ITPKB: variants seen among roughly 807,000 people sequenced by gnomAD.
ITPKB encodes inositol-trisphosphate 3-kinase B.
In ITPKB, 13 loss-of-function variants were observed where a neutral mutation model predicts 69.4. The ratio of observed to expected loss-of-function variants is 0.19; its 90% confidence interval spans 0.12 to 0.30. ITPKB has a LOEUF of 0.30. ITPKB is among the 10% of genes least tolerant of loss of function. The probability of loss-of-function intolerance (pLI) is 1.00; values close to 1 mark genes in which losing one functional copy is unlikely to be tolerated. For missense variants in ITPKB, 1,240 were observed against 1,250.5 expected (o/e 0.99, Z 0.13); for synonymous variants, 584 against 513.7 (o/e 1.14, Z -1.85).
rs1171087721 is a variant in ITPKB, at chr1:226,634,469, A to G, written c.*202T>C. 1.7e-6 allele frequency: 1 copy of G among 579,516 alleles called. No individual in the cohort carries two copies. Among genetic ancestry groups the G allele is most frequent in the Non-Finnish European group, 3.1e-6 (1 of 323,684 alleles). 35.9% of individuals were successfully genotyped at this position (579,516 alleles called of 1,614,324 possible). A position where few individuals can be genotyped will look rare whatever the true frequency, so the allele number is the denominator to read the frequency against. Reference sequence around the variant, plus strand: ...TCTCTTCTAGTAGGTGACCCTCTCTACAAAAAGCAGTGCAAACACCACCTC... The same window carrying G: ...TCTCTTCTAGTAGGTGACCCTCTCTGCAAAAAGCAGTGCAAACACCACCTC... On this transcript the variant is annotated 3_prime_UTR_variant, in exon 8 of 8. Transcript: ENST00000429204. The surrounding 1 kb of genome is among the most constrained non-coding windows in gnomAD (Gnocchi z 6.3).
Position 226,738,449 on chromosome 1 carries a change from T to TG in ITPKB, c.-206+591dup, listed in dbSNP as rs567753230. 1.3e-3 allele frequency among the ~76,000 whole-genome samples: 198 copies of TG among 152,228 alleles called. 2 individuals carry two copies. Among genetic ancestry groups the TG allele is most frequent in the African/African-American group, 4.5e-3 (186 of 41,530 alleles). The stretch of plus-strand genomic sequence containing the variant: ...GCTGCCCCCCTGCCGTCGTCCCCTA[T>TG]GGGGGGGTGTCTGTGAGTGTGTGTG... On this transcript the variant is annotated intron_variant, in intron 1 of 7. Transcript: ENST00000429204. The surrounding 1 kb of genome is among the most constrained non-coding windows in gnomAD (Gnocchi z 4.2).
intron 2 of ITPKB, among the ~76,000 whole-genome samples, chr1:226,693,128 A>G (rs965488831): frequency 6.6e-6 from 1 of 152,264 alleles, no homozygotes; most frequent in Non-Finnish European, 1.5e-5. Context: ...GTAGCACATT[A>G]CAAGAGCCAC....
chr1:226,727,085 T>C (rs886705712), intron 2 of ITPKB, among the ~76,000 whole-genome samples: 1 of 152,248 alleles, frequency 6.6e-6, no homozygotes, highest in African/African-American at 2.4e-5. Flanking sequence ...AGTTCCTCTC[T>C]ATAACAGTCG....
At chr1:226,639,706 G>A (rs752824758) in intron 5 of ITPKB, 48 bp from the exon 6 acceptor site, 24 of 1,262,160 alleles carry the variant, frequency 1.9e-5, no homozygotes, top group South Asian at 4.8e-5. Context: ...AGGGACCCTC[G>A]GGCAGAAACT....
intron 2 of ITPKB, among the ~76,000 whole-genome samples, chr1:226,713,080 G>A (rs751882412): frequency 6.6e-6 from 1 of 151,804 alleles, no homozygotes; most frequent in Non-Finnish European, 1.5e-5. Context: ...ACATACACAC[G>A]TGCATATGCG....
intron 2 of ITPKB, among the ~76,000 whole-genome samples, chr1:226,661,722 C>T (rs1571846400): frequency 6.6e-6 from 1 of 152,290 alleles, no homozygotes; most frequent in East Asian, 1.9e-4. Context: ...CAAGAGCACT[C>T]AACAGAGGCA....
intron 2 of ITPKB, among the ~76,000 whole-genome samples, chr1:226,695,295 C>T (rs1051246262): frequency 2.0e-5 from 3 of 152,080 alleles, no homozygotes; most frequent in African/African-American, 7.2e-5. Context: ...GGATAAATTA[C>T]AAAAATCAAG....
At chr1:226,655,007 C>T (rs1181135624) in intron 2 of ITPKB, among the ~76,000 whole-genome samples, 4 of 133,480 alleles carry the variant, frequency 3.0e-5, no homozygotes, top group Non-Finnish European at 4.7e-5. Flanking sequence ...GAGGAGGGTA[C>T]GAAGAGGAAA....
chr1:226,662,984 T>C (rs1669429574), intron 2 of ITPKB, among the ~76,000 whole-genome samples: 1 of 152,150 alleles, frequency 6.6e-6, no homozygotes. Flanking sequence ...AGACCCTGTG[T>C]CTCGGTTCAG....
chr1:226,709,201 T>A (rs553612242), intron 2 of ITPKB, among the ~76,000 whole-genome samples: 1 of 152,368 alleles, frequency 6.6e-6, no homozygotes, highest in Admixed American at 6.5e-5. Flanking sequence ...GATGCCCAGT[T>A]ACGTTTGGAT....
intron 2 of ITPKB, among the ~76,000 whole-genome samples, chr1:226,727,364 A>T (rs1051922678): frequency 6.6e-6 from 1 of 152,206 alleles, no homozygotes; most frequent in Non-Finnish European, 1.5e-5. Context: ...TGGAAAAAAC[A>T]CTTGCTGGGA....
intron 4 of ITPKB, among the ~76,000 whole-genome samples, chr1:226,645,758 C>T (rs1281183010): frequency 6.6e-6 from 1 of 152,192 alleles, no homozygotes; most frequent in Non-Finnish European, 1.5e-5. Flanking sequence ...GGGGCATGTT[C>T]TTTCTCCTCC....
intron 2 of ITPKB, among the ~76,000 whole-genome samples, chr1:226,718,793 G>A (rs1263335185): frequency 6.6e-6 from 1 of 152,204 alleles, no homozygotes; most frequent in African/African-American, 2.4e-5. Flanking sequence ...CCACTCTGGA[G>A]AGCAGTGTGG....
rs1657822625 is a variant in ITPKB, at chr1:226,737,319, A to C, written c.140T>G (p.Val47Gly). ...AGAGGCGCCTCTCCCGGGGCTGAAA[A>C]CGCTGCCGGGGCTCAGCACTGCCCT... ...PRRAVLSPGS[V>G]FSPGRGASFL... The change falls in exon 2 of 8, where the codon GTT becomes GGT. Residue 47 changes from valine (V) to glycine (G), a missense_variant. Around this residue, in one of 2 missense-constraint regions of ITPKB, gnomAD observed 992 missense variants for 853.8 expected, o/e 1.16. Coordinates refer to ENST00000429204, the MANE Select transcript of ITPKB (RefSeq NM_002221.4). 1 of 1,590,538 alleles carries C rather than the reference A, an allele frequency of 6.3e-7. No homozygotes were observed. The highest frequency in any genetic ancestry group is 1.3e-5 in the African/African-American group (1 of 74,338).
chr1:226,667,065 T>C (rs149600730), intron 2 of ITPKB, among the ~76,000 whole-genome samples: 61 of 152,294 alleles, frequency 4.0e-4, no homozygotes, highest in African/African-American at 1.4e-3. Context: ...TTCTTTACCA[T>C]GCGCAATTAT....
chr1:226,683,448 A>G (rs1256289111), intron 2 of ITPKB, among the ~76,000 whole-genome samples: 1 of 152,190 alleles, frequency 6.6e-6, no homozygotes, highest in Non-Finnish European at 1.5e-5. Flanking sequence ...GGCAGATGCC[A>G]TGACTTGCTC....
chr1:226,737,512 C>T lies in ITPKB; in HGVS notation c.-54G>A, dbSNP rs1473107327. Reference sequence around the variant, plus strand: ...GCGGCTCCCGCTCCTGCTCCGCCGCCGGCGCCTCCTCCTCCCGGCGCTCCC... The same window carrying T: ...GCGGCTCCCGCTCCTGCTCCGCCGCTGGCGCCTCCTCCTCCCGGCGCTCCC... On this transcript the variant is annotated 5_prime_UTR_variant, in exon 2 of 8. Coordinates refer to ENST00000429204, the MANE Select transcript of ITPKB (RefSeq NM_002221.4). 14 of 1,443,592 alleles carry T rather than the reference C, an allele frequency of 9.7e-6. No individual in the cohort carries two copies. Among genetic ancestry groups the T allele is most frequent in the Non-Finnish European group, 1.3e-5 (14 of 1,099,410 alleles). 89.4% of individuals were successfully genotyped at this position (1,443,592 alleles called of 1,614,324 possible). A position where few individuals can be genotyped will look rare whatever the true frequency, so the allele number is the denominator to read the frequency against.
intron 2 of ITPKB, among the ~76,000 whole-genome samples, chr1:226,658,761 G>A (rs760294142): frequency 3.3e-5 from 5 of 152,168 alleles, no homozygotes; most frequent in African/African-American, 4.8e-5. Flanking sequence ...ACCCATGAGC[G>A]TAGGGTAGGG....
intron 3 of ITPKB, 119 bp downstream of exon 3, chr1:226,648,553 G>T (rs1453855401): frequency 1.7e-5 from 12 of 721,370 alleles, no homozygotes; most frequent in Non-Finnish European, 2.5e-5. Context: ...TGTGATTTCA[G>T]ACTAGAAAGT....
Sources: gnomAD v4.1 joint callset for allele counts (sites outside exome capture counted in the v4.1 genomes callset) on GRCh38, gnomAD v4.1.1 for gene constraint, gnomAD v4.1.1 regional missense constraint, Gnocchi (gnomAD v3.1) non-coding constraint, MANE v1.5 for transcripts, NCBI Gene and HGNC (gene_info 2026-07-23, HGNC 2026-07-21) for gene names.